DIP2C: variants seen among roughly 807,000 people sequenced by gnomAD.
DIP2C encodes the protein disco-interacting protein 2 homolog C.
A neutral mutation model predicts 192.4 loss-of-function variants in DIP2C; 33 were observed. The observed-to-expected ratio is 0.17, with a 90% CI of 0.13 to 0.23. The LOEUF is 0.23. Among genes scored for constraint, DIP2C ranks in the 10% least tolerant of loss-of-function variants. The pLI is 1.00. For missense variants in DIP2C, 1,537 were observed against 2,110.1 expected (o/e 0.73, Z 5.32); for synonymous variants, 979 against 864.1 (o/e 1.13, Z -2.33).
rs1312504687 is a variant in DIP2C at position 321,580 on chromosome 10, C to CG, written c.3924+5425dup. Reference sequence around the variant, plus strand: ...CTGTTAGAACAGTCAGTCGGGGGTGCGGGGCTCCAGCGAGAGACCGGCGCT... The same window carrying CG: ...CTGTTAGAACAGTCAGTCGGGGGTGCGGGGGCTCCAGCGAGAGACCGGCGCT... On this transcript the variant is annotated intron_variant, in intron 31 of 36. Coordinates refer to ENST00000280886, the MANE Select transcript of DIP2C (RefSeq NM_014974.3). Among the ~76,000 whole-genome samples, 307 of 134,924 alleles carry CG rather than the reference C, an allele frequency of 2.3e-3. 4 individuals carry two copies. The highest frequency in any genetic ancestry group is 9.0e-3 in the African/African-American group (281 of 31,114). The allele number at this position is 134,924 out of a possible 152,430, so 88.5% of individuals were successfully genotyped here.
At chr10:375,614 C>T (rs1379901987) in intron 17 of DIP2C, among the ~76,000 whole-genome samples, 1 of 152,170 alleles carries the variant, frequency 6.6e-6, no homozygotes, top group Non-Finnish European at 1.5e-5. Context: ...GAAAGCATTC[C>T]ATAAGCCTTG....
rs187784395 is a variant in DIP2C, at chr10:521,480, C to A, written c.86-34950G>T. Among the ~76,000 whole-genome samples the A allele has an allele frequency of 8.2e-4, 125 of 152,266 alleles. 1 individual carries two copies. The South Asian group carries it at 0.015, about 18-fold the overall frequency. ...GCTTACAAGTCTCGCTTCCTCTCTG[C>A]CCCCCAAAGCCTGACGTGTGGTCCC... On this transcript the variant is annotated intron_variant, in intron 1 of 36. Transcript: ENST00000280886.
At chr10:657,382 ACCCTGGACCTGC>A (rs1856427858) in intron 1 of DIP2C, among the ~76,000 whole-genome samples, 2 of 19,966 alleles carry the variant, frequency 1.0e-4, no homozygotes, top group East Asian at 1.1e-3. Flanking sequence ...ACTGGACCTG[ACCCTGGACCTGC>A]CCCTGGACCT....
chr10:647,012 G>A (rs1855487584), intron 1 of DIP2C, among the ~76,000 whole-genome samples: 1 of 152,260 alleles, frequency 6.6e-6, no homozygotes, highest in Non-Finnish European at 1.5e-5. Flanking sequence ...GGCGAGAACA[G>A]AGGGAAACTG....
chr10:589,877 C>G (rs997074152), intron 1 of DIP2C, among the ~76,000 whole-genome samples: 6 of 152,118 alleles, frequency 3.9e-5, no homozygotes, highest in African/African-American at 1.4e-4. Flanking sequence ...CAACATGAGA[C>G]CAATGTAGCC....
chr10:351,111 T>C (rs1048190699), intron 24 of DIP2C, among the ~76,000 whole-genome samples: 1 of 152,054 alleles, frequency 6.6e-6, no homozygotes, highest in African/African-American at 2.4e-5. Flanking sequence ...GACACTGCGA[T>C]TCAGAGTGAA....
chr10:459,293 G>C (rs1054006388), intron 3 of DIP2C, among the ~76,000 whole-genome samples: 4 of 151,910 alleles, frequency 2.6e-5, no homozygotes, highest in African/African-American at 9.7e-5. Flanking sequence ...ATTCTGGAAA[G>C]CACAACACTG....
intron 1 of DIP2C, among the ~76,000 whole-genome samples, chr10:656,169 T>C (rs1006055922): frequency 7.8e-6 from 1 of 128,884 alleles, no homozygotes; most frequent in Admixed American, 7.4e-5. Flanking sequence ...TTCTATTCTA[T>C]GTTACCCTAT....
At chr10:279,552 T>C (rs1185240118) in intron 36 of DIP2C, among the ~76,000 whole-genome samples, 2 of 152,236 alleles carry the variant, frequency 1.3e-5, no homozygotes, top group African/African-American at 4.8e-5. Context: ...AAAGTTTGTT[T>C]GGCTTGAATT....
In DIP2C at chr10:596,547, T is replaced by G. The variant is rs1157996961; in HGVS notation, c.85+92947A>C. On this transcript the variant is annotated intron_variant, in intron 1 of 36. Transcript: ENST00000280886. ...AAAAAGTATTAAGTTTTCCTTCCAA[T>G]GAACCTATCATTCTGCCACCGAGGT... Among the ~76,000 whole-genome samples, 6 of 130,720 alleles carry G rather than the reference T, an allele frequency of 4.6e-5. No individual in the cohort carries two copies. In the East Asian group the frequency reaches 9.6e-4, roughly 21 times the overall value. The allele number at this position is 130,720 out of a possible 152,430, so 85.8% of individuals were successfully genotyped here.
intron 2 of DIP2C, among the ~76,000 whole-genome samples, chr10:484,625 C>T (rs1843859675): frequency 6.6e-6 from 1 of 152,354 alleles, no homozygotes; most frequent in Non-Finnish European, 1.5e-5. Flanking sequence ...CTCTGGCGAG[C>T]TCTGGGCCTG....
chr10:422,218 C>T (rs1304609516), intron 5 of DIP2C, among the ~76,000 whole-genome samples: 2 of 152,224 alleles, frequency 1.3e-5, no homozygotes, highest in African/African-American at 4.8e-5. Flanking sequence ...ACATTTACTA[C>T]TGAACCGTTC....
At chr10:362,457 G>A (rs370193283) in intron 22 of DIP2C, 33 bp downstream of exon 22, 95 of 1,606,350 alleles carry the variant, frequency 5.9e-5, no homozygotes, top group Non-Finnish European at 7.2e-5. Context: ...GGGAACTCCC[G>A]CACCTCACAA....
chr10:285,252 C>T (rs1247734527), intron 34 of DIP2C, among the ~76,000 whole-genome samples: 4 of 151,510 alleles, frequency 2.6e-5, no homozygotes, highest in African/African-American at 7.3e-5. Flanking sequence ...CACCCACGTG[C>T]GTGTAGAAAC....
chr10:292,098 G>A lies in DIP2C; in HGVS notation c.3987-3677C>T, dbSNP rs115724848. Among the ~76,000 whole-genome samples, 279 of 152,344 alleles carry A rather than the reference G, an allele frequency of 1.8e-3. 2 individuals carry two copies. Among genetic ancestry groups the A allele is most frequent in the South Asian group, 0.013 (62 of 4,830 alleles). On this transcript the variant is annotated intron_variant, in intron 32 of 36. Coordinates refer to ENST00000280886, the MANE Select transcript of DIP2C (RefSeq NM_014974.3). ...CTCACCTTCTGTGAGAGCACCTGCC[G>A]CTCAGGTCACACTGCAAAGTCAGCT...
At chr10:446,370 G>A (rs61837245) in intron 3 of DIP2C, among the ~76,000 whole-genome samples, 1 of 152,164 alleles carries the variant, frequency 6.6e-6, no homozygotes, top group Admixed American at 6.5e-5. Context: ...GGTCCACTGG[G>A]CATCTGTATA....
At chr10:502,449 G>A (rs816595) in intron 1 of DIP2C, among the ~76,000 whole-genome samples, 3,572 of 152,024 alleles carry the variant, frequency 0.023, 141 homozygotes, top group African/African-American at 0.082. Flanking sequence ...GCTCATATTC[G>A]AAAAAAGTAA....
At chr10:496,938 C>T (rs917375414) in intron 1 of DIP2C, among the ~76,000 whole-genome samples, 4 of 152,196 alleles carry the variant, frequency 2.6e-5, no homozygotes, top group Non-Finnish European at 4.4e-5. Context: ...TCCTGGCTAA[C>T]GCGGTGAAAC....
At chr10:562,505 T>G (rs973071971) in intron 1 of DIP2C, among the ~76,000 whole-genome samples, 2 of 152,232 alleles carry the variant, frequency 1.3e-5, no homozygotes, top group African/African-American at 4.8e-5. Context: ...CTCTACGAAA[T>G]AGACGAAATT....
Sources: allele counts gnomAD v4.1 joint callset (sites outside exome capture counted in the v4.1 genomes callset), GRCh38; gene constraint gnomAD v4.1.1; transcripts MANE v1.5; gene names NCBI Gene and HGNC (gene_info 2026-07-23, HGNC 2026-07-21).